Variants in PRRC2B observed in about 807,000 individuals in gnomAD.
The protein encoded by PRRC2B is proline rich coiled-coil 2B, also known as protein PRRC2B.
Under a neutral mutation model 242.3 loss-of-function variants are expected in PRRC2B, and 68 were observed. That is an observed-to-expected ratio of 0.28 (90% CI 0.23 to 0.34). PRRC2B has a LOEUF of 0.34. PRRC2B is among the 10% of genes least tolerant of loss of function. The probability of loss-of-function intolerance (pLI) is 1.00; values close to 1 mark genes in which losing one functional copy is unlikely to be tolerated. For synonymous variants in PRRC2B, 1,228 were observed against 1,173.6 expected (o/e 1.05, Z -0.95); for missense variants, 2,835 against 2,954.8 (o/e 0.96, Z 0.94).
intron 1 of PRRC2B, among the ~76,000 whole-genome samples, chr9:131,419,811 G>T (rs1014638259): frequency 2.0e-5 from 3 of 152,004 alleles, no homozygotes; most frequent in Admixed American, 6.5e-5. Context: ...GTGGTGTGGG[G>T]AGAAGGCTGG....
At chr9:131,447,846 A>T (rs915728077) in intron 9 of PRRC2B, 42 bp downstream of exon 9, 1 of 1,589,206 alleles carries the variant, frequency 6.3e-7, no homozygotes, top group Non-Finnish European at 8.6e-7. Context: ...GCAGGACCAA[A>T]GTCCATATGT....
intron 1 of PRRC2B, among the ~76,000 whole-genome samples, chr9:131,415,792 CTG>C (rs775254733): frequency 5.6e-4 from 85 of 152,176 alleles, no homozygotes; most frequent in Non-Finnish European, 1.1e-3. Flanking sequence ...GATTCTCAAA[CTG>C]TATCCCTAAC....
intron 1 of PRRC2B, among the ~76,000 whole-genome samples, chr9:131,410,353 C>T (rs1837474157): frequency 6.6e-6 from 1 of 152,224 alleles, no homozygotes; most frequent in Non-Finnish European, 1.5e-5. Flanking sequence ...GTGCCAGCGC[C>T]AGTTCACACC....
At position 131,475,066 on chromosome 9, in the gene PRRC2B, G is replaced by A. The variant is rs531187839; in HGVS notation, c.2937G>A (p.Gln979=). ...ESTRLAKEKE[Q]SPTAEKDEDE... is the part of the protein sequence containing the mutation. ...CCCGGCTGGCCAAGGAGAAGGAGCA[G>A]AGCCCCACGGCAGAAAAGGATGAGG... Residue 979 remains glutamine, a synonymous_variant, in exon 16 of 32, where the codon CAG becomes CAA. Transcript: ENST00000683519. 20 of 1,611,004 alleles carry A rather than the reference G, an allele frequency of 1.2e-5. No homozygotes were observed. In the African/African-American group the frequency reaches 2.4e-4, roughly 19 times the overall value.
At chr9:131,394,601 C>CGGGCT (rs1836990858) in intron 1 of PRRC2B, among the ~76,000 whole-genome samples, 2 of 151,076 alleles carry the variant, frequency 1.3e-5, no homozygotes, top group Non-Finnish European at 3.0e-5. Flanking sequence ...GAGGCCGGGC[C>CGGGCT]GGGCTGCAGA....
At chr9:131,443,279 G>T (rs922210390) in intron 5 of PRRC2B, among the ~76,000 whole-genome samples, 2 of 151,416 alleles carry the variant, frequency 1.3e-5, no homozygotes, top group African/African-American at 2.4e-5. Flanking sequence ...GACTACAGGC[G>T]CCCGCCACCA....
intron 1 of PRRC2B, among the ~76,000 whole-genome samples, chr9:131,412,415 G>A (rs1022693117): frequency 1.3e-5 from 2 of 152,228 alleles, no homozygotes; most frequent in Non-Finnish European, 2.9e-5. Flanking sequence ...CCATGTGACA[G>A]ACTGAGCTCA....
chr9:131,489,073 G>C (rs987490107), intron 28 of PRRC2B, among the ~76,000 whole-genome samples: 5 of 152,054 alleles, frequency 3.3e-5, no homozygotes, highest in Non-Finnish European at 1.5e-5. Flanking sequence ...GTCTAGGCTT[G>C]GCTGCTCCCA....
chr9:131,462,851 A>G (rs1943282495), intron 11 of PRRC2B, among the ~76,000 whole-genome samples: 1 of 151,532 alleles, frequency 6.6e-6, no homozygotes, highest in East Asian at 1.9e-4. Flanking sequence ...AAAAAAAAAA[A>G]AAAAAGGTCT....
intron 1 of PRRC2B, among the ~76,000 whole-genome samples, chr9:131,380,886 C>CAAAA (rs61180556): frequency 4.6e-5 from 5 of 108,344 alleles, no homozygotes; most frequent in African/African-American, 1.4e-4. Flanking sequence ...ATTCTGTCTC[C>CAAAA]AAAAAAAAAA....
intron 9 of PRRC2B, among the ~76,000 whole-genome samples, chr9:131,452,431 G>A (rs772337464): frequency 3.3e-5 from 5 of 152,196 alleles, no homozygotes; most frequent in Non-Finnish European, 5.9e-5. Flanking sequence ...ATGTCATTTC[G>A]TGTGAGTTTT....
intron 11 of PRRC2B, 44 bp from the exon 12 acceptor site, chr9:131,464,719 G>A: frequency 6.6e-7 from 1 of 1,507,530 alleles, no homozygotes; most frequent in South Asian, 1.3e-5. Flanking sequence ...CTGTATCCCG[G>A]GTCCCGGACC....
chr9:131,446,940 G>C lies in PRRC2B; in HGVS notation c.856-145G>C, dbSNP rs1838821662. 9.2e-7 allele frequency: 1 copy of C among 1,084,914 alleles called. No homozygotes were observed. The allele number at this position is 1,084,914 out of a possible 1,614,324, so 67.2% of individuals were successfully genotyped here. The stretch of plus-strand genomic sequence containing the variant: ...CTGGCAGCAGGAATGAAATGGGGGA[G>C]ATGGTGGTAGGATTAATTAGGAAAC... On this transcript the variant is annotated intron_variant, in intron 7 of 31. Transcript: ENST00000683519. The surrounding 1 kb of genome is among the most constrained non-coding windows in gnomAD (Gnocchi z 4.1).
intron 10 of PRRC2B, among the ~76,000 whole-genome samples, chr9:131,457,486 T>TG (rs1342082128): frequency 6.6e-6 from 1 of 152,224 alleles, no homozygotes; most frequent in Non-Finnish European, 1.5e-5. Context: ...TCCTGAAACC[T>TG]GCTCTTTTTC....
chr9:131,447,843 C>A (rs1383237769), intron 9 of PRRC2B, 39 bp downstream of exon 9: 1 of 1,590,084 alleles, frequency 6.3e-7, no homozygotes, highest in Non-Finnish European at 8.6e-7. Context: ...CGGGCAGGAC[C>A]AAAGTCCATA....
chr9:131,462,061 T>A (rs1469289408), intron 11 of PRRC2B, among the ~76,000 whole-genome samples: 2 of 152,206 alleles, frequency 1.3e-5, no homozygotes, highest in African/African-American at 2.4e-5. Context: ...CCTTTTTTTT[T>A]CCTTTTCACC....
intron 1 of PRRC2B, among the ~76,000 whole-genome samples, chr9:131,420,503 T>TCTTTCTTTC (rs1465337298): frequency 2.1e-5 from 2 of 93,880 alleles, no homozygotes; most frequent in African/African-American, 4.3e-5. Context: ...CTTTTTTTTT[T>TCTTTCTTTC]TTTTTTTGAG....
intron 1 of PRRC2B, among the ~76,000 whole-genome samples, chr9:131,399,100 A>G (rs1588237065): frequency 6.6e-6 from 1 of 151,092 alleles, no homozygotes. Context: ...ACATGGTGAA[A>G]CCCCGTCTCT....
intron 1 of PRRC2B, among the ~76,000 whole-genome samples, chr9:131,416,954 C>G (rs116693893): frequency 1.0e-3 from 158 of 152,100 alleles, no homozygotes; most frequent in African/African-American, 3.7e-3. Flanking sequence ...TATTTTTAAT[C>G]TTTGATCTCT....
Sources: allele counts gnomAD v4.1 joint callset (sites outside exome capture counted in the v4.1 genomes callset), GRCh38; gene constraint gnomAD v4.1.1; non-coding constraint Gnocchi (gnomAD v3.1); transcripts MANE v1.5; gene names NCBI Gene and HGNC (gene_info 2026-07-23, HGNC 2026-07-21).